PAK1IP1: variants seen among roughly 807,000 people sequenced by gnomAD.
PAK1IP1 encodes PAK1 interacting protein 1.
In PAK1IP1, 24 loss-of-function variants were observed where a neutral mutation model predicts 42.0. The ratio of observed to expected loss-of-function variants is 0.57; its 90% CI spans 0.41 to 0.80. The LOEUF (loss-of-function observed/expected upper bound fraction) is 0.80, where lower values mean the gene tolerates loss of function less well. Among genes scored for constraint, PAK1IP1 ranks in the 30% least tolerant of loss-of-function variants. The probability of loss-of-function intolerance (pLI) is 0.00; values close to 1 mark genes in which losing one functional copy is unlikely to be tolerated. For missense variants in PAK1IP1, 411 were observed against 467.9 expected (o/e 0.88, Z 1.12); for synonymous variants, 154 against 156.7 (o/e 0.98, Z 0.13).
intron 7 of PAK1IP1, among the ~76,000 whole-genome samples, chr6:10,706,388 C>T (rs1167256784): frequency 1.3e-5 from 2 of 151,886 alleles, no homozygotes; most frequent in African/African-American, 2.4e-5. Flanking sequence ...ATTTTTCTTA[C>T]TATGGAAAAA....
intron 1 of PAK1IP1, among the ~76,000 whole-genome samples, chr6:10,695,764 A>T (rs1769806788): frequency 6.6e-6 from 1 of 152,230 alleles, no homozygotes; most frequent in African/African-American, 2.4e-5. Flanking sequence ...TTCTTGAAGC[A>T]ATTCTAAGCA....
chr6:10,700,709 A>G (rs1350868207), intron 2 of PAK1IP1, among the ~76,000 whole-genome samples: 1 of 152,254 alleles, frequency 6.6e-6, no homozygotes, highest in Non-Finnish European at 1.5e-5. Context: ...CAAGTGTTCA[A>G]CAATAAGAAA....
At chr6:10,692,814 G>A (rs1581570741), upstream of PAK1IP1, among the ~76,000 whole-genome samples, 2 of 152,128 alleles carry the variant, frequency 1.3e-5, no homozygotes, top group African/African-American at 2.4e-5. Flanking sequence ...GTGAGCCACC[G>A]TGCCCAGCCA....
rs375444258 is a variant in PAK1IP1 at position 10,704,548 on chromosome 6, G to T, written c.538G>T (p.Val180Leu). ...ATGGTCCCCAAGAGGAGAGCAGTAT[G>T]TAGTTATCATACAGAATAAAATAGA... The part of the protein sequence containing the change: ...VEWSPRGEQY[V>L]VIIQNKIDIY... The change falls in exon 6 of 10, where the codon GTA (valine) becomes TTA (leucine). Residue 180 changes from valine to leucine, a missense_variant. By Grantham distance (32) the Val-to-Leu change is conservative (BLOSUM62 1). Transcript: ENST00000379568. The T allele has an allele frequency of 4.4e-6, 7 of 1,599,936 alleles. No individual in the cohort carries two copies. In the African/African-American group the frequency reaches 9.4e-5, roughly 21 times the overall value.
intron 2 of PAK1IP1, among the ~76,000 whole-genome samples, chr6:10,700,984 A>G (rs1265712631): frequency 6.6e-6 from 1 of 151,732 alleles, no homozygotes; most frequent in African/African-American, 2.4e-5. Context: ...CCTTCCCGCA[A>G]CCCTTCCCCT....
chr6:10,697,084 C>T (rs1769882613), intron 1 of PAK1IP1, among the ~76,000 whole-genome samples: 1 of 152,192 alleles, frequency 6.6e-6, no homozygotes, highest in Non-Finnish European at 1.5e-5. Flanking sequence ...GCCTGCCCAC[C>T]TCCTTGCTTT....
chr6:10,694,591 AGCCCC>A, upstream of PAK1IP1: 1 of 180,128 alleles, frequency 5.6e-6, no homozygotes, highest in South Asian at 9.4e-5. Flanking sequence ...CCGGCGCTAC[AGCCCC>A]TAAGCAACCG....
intron 2 of PAK1IP1, 69 bp from the exon 3 acceptor site, chr6:10,702,300 C>T: frequency 7.6e-7 from 1 of 1,314,436 alleles, no homozygotes; most frequent in East Asian, 2.3e-5. Flanking sequence ...CATAGCATAG[C>T]CTTCAAATCA....
intron 7 of PAK1IP1, among the ~76,000 whole-genome samples, chr6:10,706,785 A>G (rs1364733448): frequency 6.6e-6 from 1 of 151,960 alleles, no homozygotes; most frequent in African/African-American, 2.4e-5. Context: ...CGGGAGGCTG[A>G]GGCAGGAGAA....
intron 5 of PAK1IP1, among the ~76,000 whole-genome samples, chr6:10,703,881 T>C (rs1377313342): frequency 6.6e-6 from 1 of 152,242 alleles, no homozygotes; most frequent in East Asian, 1.9e-4. Context: ...GTTACACATT[T>C]ATTTCCCTGC....
upstream of PAK1IP1, chr6:10,694,620 C>G: frequency 1.5e-4 from 28 of 186,666 alleles, no homozygotes; most frequent in South Asian, 5.7e-4. Flanking sequence ...GGAAGTCGGC[C>G]CCACCTCCTC....
upstream of PAK1IP1, among the ~76,000 whole-genome samples, chr6:10,694,028 G>A (rs1204254529): frequency 6.6e-6 from 1 of 152,178 alleles, no homozygotes; most frequent in Non-Finnish European, 1.5e-5. Context: ...GGGAGGTCGA[G>A]GCAAGCGGAT....
chr6:10,704,911 A>G, intron 7 of PAK1IP1, 67 bp downstream of exon 7: 1 of 934,556 alleles, frequency 1.1e-6, no homozygotes, highest in Middle Eastern at 2.2e-4. Flanking sequence ...GTAGTTTCAT[A>G]AGCCAGGTTA....
chr6:10,702,746 C>A lies in PAK1IP1; in HGVS notation c.443+107C>A, dbSNP rs1029033038. On this transcript the variant is annotated intron_variant, in intron 4 of 9. Transcript: ENST00000379568. ...AAGGGAAAGGTCAAAAGCTGGTGAA[C>A]CTTTTCATAGTGGTTCATAGTGGTA... The A allele has an allele frequency of 1.9e-5, 15 of 807,848 alleles. No individual in the cohort carries two copies. The Admixed American group carries it at 3.0e-4, about 16-fold the overall frequency. The allele number at this position is 807,848 out of a possible 1,614,324, so 50.0% of individuals were successfully genotyped here. A position where few individuals can be genotyped will look rare whatever the true frequency, so the allele number is the denominator to read the frequency against.
chr6:10,698,234 T>C (rs1769917932), intron 2 of PAK1IP1, among the ~76,000 whole-genome samples: 3 of 151,556 alleles, frequency 2.0e-5, no homozygotes, highest in Admixed American at 6.6e-5. Flanking sequence ...TATCTGACTT[T>C]ATTGAGGGCA....
At chr6:10,706,901 A>G (rs1387763158) in intron 7 of PAK1IP1, among the ~76,000 whole-genome samples, 2 of 152,016 alleles carry the variant, frequency 1.3e-5, no homozygotes, top group Non-Finnish European at 2.9e-5. Flanking sequence ...CAAAAAAAAA[A>G]AAAAGAAAAA....
chr6:10,695,968 T>G (rs1180643264), intron 1 of PAK1IP1, among the ~76,000 whole-genome samples: 1 of 152,174 alleles, frequency 6.6e-6, no homozygotes, highest in Non-Finnish European at 1.5e-5. Context: ...ATTTAATTTT[T>G]TTTTTTTGTA....
Position 10,709,283 on chromosome 6 carries a change from CAG to C in PAK1IP1, c.1011_1012del (p.Val338AlafsTer10), listed in dbSNP as rs1770306812. The C allele has an allele frequency of 1.2e-6, 2 of 1,613,788 alleles. No homozygotes were observed. Among genetic ancestry groups the C allele is most frequent in the East Asian group, 2.2e-5 (1 of 44,870 alleles). Reference sequence around the variant, plus strand: ...ATTGGCAAAAAGGAGCCTGGTGACACAGTGCACAAAGAAGAAAAGCGGTCAAA... The same window carrying C: ...ATTGGCAAAAAGGAGCCTGGTGACACTGCACAAAGAAGAAAAGCGGTCAAA... On this transcript the variant is annotated frameshift_variant, in exon 10 of 10. Coordinates refer to ENST00000379568, the MANE Select transcript of PAK1IP1 (RefSeq NM_017906.3). LOFTEE classifies it low-confidence loss of function (END_TRUNC).
chr6:10,703,923 G>A (rs561493614), intron 5 of PAK1IP1, among the ~76,000 whole-genome samples: 1 of 152,226 alleles, frequency 6.6e-6, no homozygotes, highest in East Asian at 1.9e-4. Context: ...CAAATGCCTT[G>A]GGTTACTTTC....
Sources: allele counts gnomAD v4.1 joint callset (sites outside exome capture counted in the v4.1 genomes callset), GRCh38; gene constraint gnomAD v4.1.1; transcripts MANE v1.5; gene names NCBI Gene and HGNC (gene_info 2026-07-23, HGNC 2026-07-21).